The following PI16 variants were observed in gnomAD, a reference collection of about 807,000 sequenced individuals.
PI16 encodes peptidase inhibitor 16.
PI16 carries 35 observed loss-of-function variants against 38.0 expected under a neutral mutation model. The ratio of observed to expected loss-of-function variants is 0.92; its 90% CI spans 0.70 to 1.22. The LOEUF is 1.22. Among genes scored for constraint, PI16 ranks in the 50% most tolerant of loss-of-function variants. The pLI, the probability that PI16 is intolerant of heterozygous loss-of-function variation, is 0.00. For synonymous variants in PI16, 275 were observed against 252.9 expected, an observed-to-expected ratio of 1.09 and a Z score of -0.83; for missense variants, 572 against 593.8, an observed-to-expected ratio of 0.96 and a Z score of 0.38.
Position 36,959,303 on chromosome 6 carries a change from T to C in PI16, c.330T>C (p.Arg110=). Residue 110 remains arginine (R), a synonymous_variant, in exon 2 of 7, where the codon CGT becomes CGC. Transcript: ENST00000373674. ...PLAMEEWHHE[R]EHYNLSAATC... is the part of the protein sequence containing the mutation. ...CCATGGAGGAGTGGCACCACGAGCG[T>C]GAGCACTACAACCTCAGCGCCGCCA... The C allele has an allele frequency of 1.3e-6, 2 of 1,589,500 alleles. No individual in the cohort carries two copies. The highest frequency in any genetic ancestry group is 2.3e-5 in the South Asian group (2 of 87,438).
chr6:36,948,873 C>A (rs1763057327), intron 1 of PI16, among the ~76,000 whole-genome samples: 1 of 151,736 alleles, frequency 6.6e-6, no homozygotes, highest in Non-Finnish European at 1.5e-5. Context: ...CGGCTCACTG[C>A]AACCTCCGCC....
In PI16 at chr6:36,963,534, C is replaced by T. The variant is rs1317710141; in HGVS notation, c.1192C>T (p.Leu398=). The T allele has an allele frequency of 6.2e-7, 1 of 1,614,062 alleles. No individual in the cohort carries two copies. The highest frequency in any genetic ancestry group is 1.3e-5 in the African/African-American group (1 of 74,918). Residue 398 remains leucine, a synonymous_variant, in exon 5 of 7, where the codon CTG becomes TTG. Coordinates refer to ENST00000373674, the MANE Select transcript of PI16 (RefSeq NM_153370.3). ...DHTGHTSSKS[L]PNFPNTSATA... is the part of the protein sequence containing the mutation. ...CACGGGGCACACCTCCTCCAAGTCC[C>T]TGCCCAATTTCCCCAATACCTCTGC...
intron 1 of PI16, among the ~76,000 whole-genome samples, chr6:36,948,624 TTCCTTCC>T (rs1423363531): frequency 3.2e-4 from 32 of 101,536 alleles, no homozygotes; most frequent in Non-Finnish European, 4.9e-4. Context: ...TTTTTTTTCC[TTCCTTCC>T]TCCTTCCCTC....
chr6:36,952,048 C>T (rs1244120622), upstream of PI16, among the ~76,000 whole-genome samples: 1 of 147,772 alleles, frequency 6.8e-6, no homozygotes, highest in Admixed American at 6.9e-5. Flanking sequence ...GGCTGGAATG[C>T]GGTGACTGGA....
chr6:36,959,882 A>T (rs937220376), intron 2 of PI16, among the ~76,000 whole-genome samples: 17 of 150,696 alleles, frequency 1.1e-4, no homozygotes, highest in African/African-American at 3.7e-4. Flanking sequence ...AAAAAAAAAA[A>T]AAATTAAATA....
Position 36,959,298 on chromosome 6 carries a change from G to T in PI16, c.325G>T (p.Glu109Ter), listed in dbSNP as rs561347656. 7.2e-5 allele frequency: 114 copies of T among 1,590,778 alleles called. No homozygotes were observed. The South Asian group carries it at 1.3e-3, about 18-fold the overall frequency. ...VPLAMEEWHH[E>*]REHYNLSAAT... ...GCTGGCCATGGAGGAGTGGCACCAC[G>T]AGCGTGAGCACTACAACCTCAGCGC... The change falls in exon 2 of 7, where the codon GAG becomes TAG. Residue 109 changes from glutamate to a stop codon, truncating the protein, a stop_gained. Coordinates refer to ENST00000373674, the MANE Select transcript of PI16 (RefSeq NM_153370.3). LOFTEE classifies it high-confidence loss of function.
chr6:36,959,408 TG>T (rs1766182375), intron 2 of PI16, 42 bp downstream of exon 2: 1 of 1,513,942 alleles, frequency 6.6e-7, no homozygotes, highest in Non-Finnish European at 8.8e-7. Context: ...CCTCGCGGCG[TG>T]GGGGTGGGGC....
At chr6:36,949,906 T>C (rs1763072322), upstream of PI16, among the ~76,000 whole-genome samples, 1 of 152,012 alleles carries the variant, frequency 6.6e-6, no homozygotes, top group Admixed American at 6.6e-5. Flanking sequence ...TTTTTTTTTT[T>C]CTCATGGTGG....
In PI16 at chr6:36,954,812, C is replaced by T; in HGVS notation, c.52C>T (p.Leu18=). ...LMLLLPLLLL[L]VATTGPVGAL... ...GCTTCTGCTGCCGCTACTGCTACTGCTGGTGGCCACCACAGGCCCCGTTGG... is the reference window on the plus strand; with the variant it reads ...GCTTCTGCTGCCGCTACTGCTACTGTTGGTGGCCACCACAGGCCCCGTTGG... The change falls in exon 1 of 7, where the codon CTG becomes TTG. Residue 18 remains leucine (L), a synonymous_variant. Transcript: ENST00000373674. The T allele has an allele frequency of 6.2e-7, 1 of 1,614,102 alleles. No homozygotes were observed. Among genetic ancestry groups the T allele is most frequent in the Non-Finnish European group, 8.5e-7 (1 of 1,180,010 alleles).
chr6:36,955,006 C>T lies in PI16; in HGVS notation c.171+75C>T. ...AGGGTCTGTCACCAGGCTCTCTTACCCTGCTCCTCATGCTGAAGCTATTTC... is the reference window on the plus strand; with the variant it reads ...AGGGTCTGTCACCAGGCTCTCTTACTCTGCTCCTCATGCTGAAGCTATTTC... On this transcript the variant is annotated intron_variant, in intron 1 of 6. Transcript: ENST00000373674. The T allele has an allele frequency of 7.3e-6, 11 of 1,502,086 alleles. No individual in the cohort carries two copies. The South Asian group carries it at 1.3e-4, about 18-fold the overall frequency. The allele number at this position is 1,502,086 out of a possible 1,614,324, so 93.0% of individuals were successfully genotyped here. A position where few individuals can be genotyped will look rare whatever the true frequency, so the allele number is the denominator to read the frequency against.
Position 36,959,230 on chromosome 6 carries a change from GC to G in PI16, c.258del (p.Glu87ArgfsTer85), listed in dbSNP as rs772745462. ...CACAACAAGGAGCGCGGGCGCCGCG[GC>G]GAGAATCTGTTCGCCATCACAGACG... ...WGHNKERGRR[G>X]ENLFAITDEG... On this transcript the variant is annotated frameshift_variant, in exon 2 of 7. Transcript: ENST00000373674. LOFTEE classifies it high-confidence loss of function. The G allele has an allele frequency of 6.2e-7, 1 of 1,609,700 alleles. No individual in the cohort carries two copies. The highest frequency in any genetic ancestry group is 8.5e-7 in the Non-Finnish European group (1 of 1,178,600).
Position 36,963,562 on chromosome 6 carries a change from C to T in PI16, c.1220C>T (p.Thr407Ile), listed in dbSNP as rs1336484071. The change falls in exon 5 of 7, where the codon ACC (threonine) becomes ATC (isoleucine). Residue 407 changes from threonine to isoleucine, a missense_variant. Coordinates refer to ENST00000373674, the MANE Select transcript of PI16 (RefSeq NM_153370.3). ...CCCAATTTCCCCAATACCTCTGCCACCGCTAATGCCACGGGTGGGCGTGCC... is the reference window on the plus strand; with the variant it reads ...CCCAATTTCCCCAATACCTCTGCCATCGCTAATGCCACGGGTGGGCGTGCC... ...SLPNFPNTSA[T>I]ANATGGRALA... 6.2e-7 allele frequency: 1 copy of T among 1,614,224 alleles called. No individual in the cohort carries two copies.
intron 5 of PI16, 41 bp from the exon 6 acceptor site, chr6:36,963,782 A>T: frequency 6.5e-7 from 1 of 1,545,368 alleles, no homozygotes; most frequent in South Asian, 1.2e-5. Context: ...CATCAGGCAC[A>T]GCTGTCTCTA....
At chr6:36,961,357 TCTCTC>T (rs1763360161) in intron 2 of PI16, 89 bp from the exon 3 acceptor site, 2 of 1,095,330 alleles carry the variant, frequency 1.8e-6, no homozygotes, top group Non-Finnish European at 1.4e-6. Flanking sequence ...GGGTGCCTCT[TCTCTC>T]CACTCCTGTA....
In PI16 at chr6:36,963,039, C is replaced by T. The variant is rs1554141799; in HGVS notation, c.697C>T (p.Pro233Ser). 1.6e-5 allele frequency: 26 copies of T among 1,614,232 alleles called. No homozygotes were observed. The highest frequency in any genetic ancestry group is 3.3e-5 in the South Asian group (3 of 91,086). ...ATCAGACTCTAGGAAAATGGGTACT[C>T]CTTCTTCCCTAGCAACGGGGATTCC... ...EASDSRKMGT[P>S]SSLATGIPAF... The change falls in exon 5 of 7, where the codon CCT becomes TCT. Residue 233 changes from proline (P) to serine (S), a missense_variant. Coordinates refer to ENST00000373674, the MANE Select transcript of PI16 (RefSeq NM_153370.3).
At position 36,963,254 on chromosome 6, in the gene PI16, A is replaced by T. The variant is rs1196365787; in HGVS notation, c.912A>T (p.Pro304=). 6.2e-7 allele frequency: 1 copy of T among 1,614,240 alleles called. No homozygotes were observed. The highest frequency in any genetic ancestry group is 2.2e-5 in the East Asian group (1 of 44,888). ...GCCTGCCCTCCTTGGATGAGGAGCC[A>T]GTTACCTTCCCCAAATCGACCCATG... The part of the protein sequence containing the change: ...AHSLPSLDEE[P]VTFPKSTHVP... The change falls in exon 5 of 7, where the codon CCA becomes CCT. Residue 304 remains proline (P), a synonymous_variant. Coordinates refer to ENST00000373674, the MANE Select transcript of PI16 (RefSeq NM_153370.3).
Position 36,961,580 on chromosome 6 carries a change from C to G in PI16, c.503+20C>G. ...GCCTCCGTGAGTGCCGGGGGGAACCCTGGAGATGGAGAGGGGGAAGGCACA... is the reference window on the plus strand; with the variant it reads ...GCCTCCGTGAGTGCCGGGGGGAACCGTGGAGATGGAGAGGGGGAAGGCACA... On this transcript the variant is annotated intron_variant, in intron 3 of 6. Coordinates refer to ENST00000373674, the MANE Select transcript of PI16 (RefSeq NM_153370.3). The G allele has an allele frequency of 6.2e-7, 1 of 1,608,352 alleles. No homozygotes were observed.
chr6:36,957,038 C>T (rs1561894689), intron 1 of PI16, among the ~76,000 whole-genome samples: 1 of 152,140 alleles, frequency 6.6e-6, no homozygotes, highest in Non-Finnish European at 1.5e-5. Context: ...CTAGGATAGC[C>T]TCTACCTGTT....
chr6:36,963,507 C>T lies in PI16; in HGVS notation c.1165C>T (p.His389Tyr). 6.2e-7 allele frequency: 1 copy of T among 1,614,182 alleles called. No individual in the cohort carries two copies. Among genetic ancestry groups the T allele is most frequent in the Non-Finnish European group, 8.5e-7 (1 of 1,180,038 alleles). Reference sequence around the variant, plus strand: ...AGGTGAGCTGCAGGCCACACTGGACCACACGGGGCACACCTCCTCCAAGTC... The same window carrying T: ...AGGTGAGCTGCAGGCCACACTGGACTACACGGGGCACACCTCCTCCAAGTC... ...KPGELQATLD[H>Y]TGHTSSKSLP... The change falls in exon 5 of 7, where the codon CAC becomes TAC. Residue 389 changes from histidine to tyrosine, a missense_variant. His to Tyr is a moderately conservative substitution (Grantham distance 83, BLOSUM62 2). Coordinates refer to ENST00000373674, the MANE Select transcript of PI16 (RefSeq NM_153370.3).
Sources: gnomAD v4.1 joint callset for allele counts (sites outside exome capture counted in the v4.1 genomes callset) on GRCh38, gnomAD v4.1.1 for gene constraint, MANE v1.5 for transcripts, NCBI Gene and HGNC (gene_info 2026-07-23, HGNC 2026-07-21) for gene names.